TMX3: variants seen among roughly 807,000 people sequenced by gnomAD.
TMX3 encodes the protein protein disulfide-isomerase TMX3.
In TMX3, 40 loss-of-function variants were observed where a neutral mutation model predicts 64.4. The observed-to-expected ratio is 0.62, with a 90% CI of 0.48 to 0.81. TMX3 has a LOEUF of 0.81. Among genes scored for constraint, TMX3 ranks in the 30% least tolerant of loss-of-function variants. TMX3 has a pLI of 0.00. For synonymous variants in TMX3, 189 were observed against 175.7 expected (o/e 1.08, Z -0.60); for missense variants, 497 against 534.5 (o/e 0.93, Z 0.69).
chr18:68,704,422 G>A (rs1348671466), intron 4 of TMX3, among the ~76,000 whole-genome samples: 1 of 152,014 alleles, frequency 6.6e-6, no homozygotes, highest in African/African-American at 2.4e-5. Flanking sequence ...AGAAAAAAAG[G>A]TAATTCAGAT....
chr18:68,703,222 T>C (rs1459248094), intron 4 of TMX3, among the ~76,000 whole-genome samples: 1 of 152,170 alleles, frequency 6.6e-6, no homozygotes, highest in East Asian at 1.9e-4. Context: ...GACAGGGAAA[T>C]AAAATCCCTT....
At chr18:68,693,716 C>G (rs1001980584) in intron 8 of TMX3, among the ~76,000 whole-genome samples, 8 of 152,054 alleles carry the variant, frequency 5.3e-5, no homozygotes, top group African/African-American at 1.7e-4. Context: ...CGGCGGGAGT[C>G]AGACAGGTTC....
chr18:68,698,276 A>G (rs1915313151), intron 6 of TMX3, among the ~76,000 whole-genome samples: 1 of 152,188 alleles, frequency 6.6e-6, no homozygotes, highest in Non-Finnish European at 1.5e-5. Context: ...AAGTGTCAAA[A>G]CATCCATTCA....
intron 6 of TMX3, among the ~76,000 whole-genome samples, chr18:68,699,551 T>G (rs757771978): frequency 3.9e-5 from 6 of 152,154 alleles, no homozygotes; most frequent in Non-Finnish European, 8.8e-5. Flanking sequence ...TTTGAGACAG[T>G]ATTGTGCCAC....
intron 4 of TMX3, among the ~76,000 whole-genome samples, chr18:68,707,318 A>G (rs1321096118): frequency 1.3e-5 from 2 of 152,160 alleles, no homozygotes; most frequent in East Asian, 1.9e-4. Flanking sequence ...ATCCATATCC[A>G]ATGAGTAAAA....
chr18:68,713,785 T>C (rs1258986632), intron 2 of TMX3, 61 bp downstream of exon 2: 3 of 832,202 alleles, frequency 3.6e-6, no homozygotes, highest in Non-Finnish European at 5.2e-6. Flanking sequence ...CACATGCAAA[T>C]ATTCAGATAT....
At chr18:68,678,162 C>A (rs1913099311) in intron 15 of TMX3, among the ~76,000 whole-genome samples, 1 of 152,042 alleles carries the variant, frequency 6.6e-6, no homozygotes, top group South Asian at 2.1e-4. Flanking sequence ...CTAATCCATG[C>A]TCGTGGCAAC....
intron 9 of TMX3, 88 bp from the exon 10 acceptor site, chr18:68,687,853 G>A (rs1599306918): frequency 2.0e-5 from 18 of 886,948 alleles, no homozygotes; most frequent in Non-Finnish European, 2.8e-5. Context: ...GGTATAAAAC[G>A]CCTGACAGAG....
intron 10 of TMX3, among the ~76,000 whole-genome samples, chr18:68,684,938 A>G (rs1913799722): frequency 6.6e-6 from 1 of 152,218 alleles, no homozygotes; most frequent in Admixed American, 6.5e-5. Context: ...TGGTTTTTAC[A>G]TGGCCGTTGA....
chr18:68,714,727 G>C (rs2031746944), intron 1 of TMX3, among the ~76,000 whole-genome samples: 1 of 152,218 alleles, frequency 6.6e-6, no homozygotes, highest in South Asian at 2.1e-4. Context: ...GCATTGGTCC[G>C]GCACAGCGGC....
chr18:68,679,455 C>T lies in TMX3; in HGVS notation c.1104+8G>A. 1.2e-6 allele frequency: 2 copies of T among 1,608,108 alleles called. No individual in the cohort carries two copies. The highest frequency in any genetic ancestry group is 1.7e-6 in the Non-Finnish European group (2 of 1,176,846). On this transcript the variant is annotated splice_region_variant and intron_variant, in intron 15 of 15. Coordinates refer to ENST00000299608, the MANE Select transcript of TMX3 (RefSeq NM_019022.5). ...TCATTATCAATGACATAAACTGTCA[C>T]AACTTACCACAATAGTAGATTTGGC...
At chr18:68,714,497 G>T in intron 1 of TMX3, 1 of 181,020 alleles carries the variant, frequency 5.5e-6, no homozygotes, top group Non-Finnish European at 1.2e-5. Flanking sequence ...GCACAATCCC[G>T]GCGGCCTGAC....
chr18:68,697,137 CAAGT>C (rs1444297363), intron 8 of TMX3, 85 bp downstream of exon 8: 2 of 712,166 alleles, frequency 2.8e-6, no homozygotes, highest in African/African-American at 1.8e-5. Flanking sequence ...ATAATTTAAT[CAAGT>C]AATAAAATCA....
In TMX3 at chr18:68,708,045, GTA is replaced by G. The variant is rs59501873; in HGVS notation, c.265+1974_265+1975del. On this transcript the variant is annotated intron_variant, in intron 4 of 15. Coordinates refer to ENST00000299608, the MANE Select transcript of TMX3 (RefSeq NM_019022.5). ...TATATGTGTATATGTGTATATATGT[GTA>G]TATATATGTGTATATATATGTGTAT... is the stretch of plus-strand genomic sequence containing the variant. Among the ~76,000 whole-genome samples the G allele has an allele frequency of 1.1e-3, 135 of 125,970 alleles. No homozygotes were observed. The East Asian group carries it at 0.014, about 13-fold the overall frequency. 82.6% of individuals were successfully genotyped at this position (125,970 alleles called of 152,430 possible). A position where few individuals can be genotyped will look rare whatever the true frequency, so the allele number is the denominator to read the frequency against.
chr18:68,701,903 C>A, intron 4 of TMX3, 113 bp from the exon 5 acceptor site: 2 of 758,340 alleles, frequency 2.6e-6, no homozygotes, highest in Non-Finnish European at 4.2e-6. Flanking sequence ...CATATAGATA[C>A]GTTGTTTTTA....
chr18:68,688,014 C>A, intron 9 of TMX3: 1 of 256,376 alleles, frequency 3.9e-6, no homozygotes, highest in Non-Finnish European at 7.3e-6. Flanking sequence ...TCAAAATATC[C>A]TAAATTGGAA....
intron 4 of TMX3, among the ~76,000 whole-genome samples, chr18:68,702,554 G>A (rs1281588612): frequency 2.0e-5 from 3 of 151,972 alleles, no homozygotes; most frequent in South Asian, 2.1e-4. Context: ...CAGACAAAAC[G>A]CCACCAGGAC....
rs113513963 is a variant in TMX3, at chr18:68,673,743, T to C, written c.*3190A>G. The stretch of plus-strand genomic sequence containing the variant: ...AAACAAAGGTTTACAATTTGTGCCA[T>C]AGGCAGAATATCATGAATTCAACAA... On this transcript the variant is annotated 3_prime_UTR_variant, in exon 16 of 16. Coordinates refer to ENST00000299608, the MANE Select transcript of TMX3 (RefSeq NM_019022.5). 2.6e-5 allele frequency: 4 copies of C among 152,320 alleles called. No homozygotes were observed. Among genetic ancestry groups the C allele is most frequent in the African/African-American group, 7.2e-5 (3 of 41,588 alleles). The allele number at this position is 152,320 out of a possible 1,614,324, so 9.4% of individuals were successfully genotyped here.
intron 5 of TMX3, 188 bp downstream of exon 5, chr18:68,701,557 T>A: frequency 7.3e-7 from 1 of 1,370,452 alleles, no homozygotes. Flanking sequence ...ATAAACAACA[T>A]GATTGCTTAA....
Sources: gnomAD v4.1 joint callset for allele counts (sites outside exome capture counted in the v4.1 genomes callset) on GRCh38, gnomAD v4.1.1 for gene constraint, MANE v1.5 for transcripts, NCBI Gene and HGNC (gene_info 2026-07-23, HGNC 2026-07-21) for gene names.